Variants in ANAPC1 observed in about 807,000 individuals in gnomAD.
ANAPC1 encodes the protein anaphase-promoting complex subunit 1.
A neutral mutation model predicts 208.0 loss-of-function variants in ANAPC1; 36 were observed. The observed-to-expected ratio is 0.17, with a 90% CI of 0.13 to 0.23. The LOEUF (loss-of-function observed/expected upper bound fraction) is 0.23. ANAPC1 is among the 10% of genes least tolerant of loss of function. The pLI is 1.00. For missense variants in ANAPC1, 942 were observed against 2,011.6 expected (o/e 0.47, Z 10.17); for synonymous variants, 378 against 695.2 (o/e 0.54, Z 7.18).
Position 111,768,151 on chromosome 2 carries a change from T to C in ANAPC1, c.*1140A>G, listed in dbSNP as rs1286550120. The stretch of plus-strand genomic sequence containing the variant: ...CCATCCAGGAAGCACAGGACACATA[T>C]CAGCATCTGAACAGCAGGGAGCATT... On this transcript the variant is annotated 3_prime_UTR_variant, in exon 48 of 48. Transcript: ENST00000341068. The C allele has an allele frequency of 6.6e-6, 1 of 152,224 alleles. No homozygotes were observed. The highest frequency in any genetic ancestry group is 1.9e-4 in the East Asian group (1 of 5,200). 9.4% of individuals were successfully genotyped at this position (152,224 alleles called of 1,614,324 possible).
At chr2:111,860,140 T>C (rs1435804310) in intron 10 of ANAPC1, among the ~76,000 whole-genome samples, 1 of 151,392 alleles carries the variant, frequency 6.6e-6, no homozygotes, top group African/African-American at 2.4e-5. Context: ...TCTGCAAAAA[T>C]TACAAAAAAT....
intron 7 of ANAPC1, chr2:111,865,966 G>A (rs1573498004): frequency 5.2e-6 from 1 of 192,414 alleles, no homozygotes; most frequent in South Asian, 8.6e-5. Flanking sequence ...AGCACTTTGG[G>A]AGGCTGAGTC....
intron 13 of ANAPC1, among the ~76,000 whole-genome samples, chr2:111,853,484 A>G (rs554703632): frequency 8.3e-5 from 12 of 144,916 alleles, no homozygotes; most frequent in Admixed American, 7.5e-4. Context: ...AGGTTTAATC[A>G]TAAGATCTTG....
intron 46 of ANAPC1, among the ~76,000 whole-genome samples, 173 bp from the exon 47 acceptor site, chr2:111,772,648 T>C (rs1260894548): frequency 5.3e-5 from 8 of 150,656 alleles, no homozygotes; most frequent in Admixed American, 1.3e-4. Context: ...CCTGTCATTG[T>C]AGAGTTTAGA....
At chr2:111,838,085 C>CAA (rs57089465) in intron 18 of ANAPC1, among the ~76,000 whole-genome samples, 4 of 103,502 alleles carry the variant, frequency 3.9e-5, no homozygotes, top group Admixed American at 1.2e-4. Flanking sequence ...TACTCCGTCT[C>CAA]AAAAAAAAAA....
intron 45 of ANAPC1, among the ~76,000 whole-genome samples, chr2:111,778,235 T>A (rs773387423): frequency 6.6e-6 from 1 of 152,240 alleles, no homozygotes; most frequent in East Asian, 1.9e-4. Flanking sequence ...AATGCCTAGA[T>A]AACTGCATAT....
At chr2:111,846,656 G>A (rs1181784724) in intron 16 of ANAPC1, among the ~76,000 whole-genome samples, 7 of 133,896 alleles carry the variant, frequency 5.2e-5, no homozygotes, top group Non-Finnish European at 9.2e-5. Context: ...TGCAACCTCC[G>A]CATTCTGGGT....
intron 21 of ANAPC1, among the ~76,000 whole-genome samples, chr2:111,826,665 A>ATTTTT (rs34574346): frequency 1.2e-4 from 17 of 139,292 alleles, no homozygotes; most frequent in South Asian, 4.6e-4. Context: ...TTATTTATTT[A>ATTTTT]TTTTTTTTTT....
chr2:111,769,882 A>C (rs1676634830), intron 47 of ANAPC1, among the ~76,000 whole-genome samples: 2 of 150,122 alleles, frequency 1.3e-5, no homozygotes, highest in East Asian at 2.0e-4. Flanking sequence ...TGGGGTTTCA[A>C]CGTGTTAGCC....
chr2:111,856,090 C>A (rs1011573000), intron 13 of ANAPC1, among the ~76,000 whole-genome samples: 6 of 152,096 alleles, frequency 3.9e-5, no homozygotes, highest in Non-Finnish European at 2.9e-5. Context: ...AAAAAATTAG[C>A]CAGGCGTGGT....
chr2:111,830,157 T>G (rs1680057432), intron 21 of ANAPC1, among the ~76,000 whole-genome samples: 1 of 152,186 alleles, frequency 6.6e-6, no homozygotes, highest in African/African-American at 2.4e-5. Context: ...AAAGACTTAC[T>G]ATAAAGCTAC....
chr2:111,874,416 TTA>T (rs1682918493), intron 3 of ANAPC1, among the ~76,000 whole-genome samples: 1 of 152,134 alleles, frequency 6.6e-6, no homozygotes, highest in African/African-American at 2.4e-5. Flanking sequence ...TCCGTGCCCA[TTA>T]AACAATACTC....
At chr2:111,839,735 A>C (rs1293205310) in intron 17 of ANAPC1, among the ~76,000 whole-genome samples, 2 of 152,212 alleles carry the variant, frequency 1.3e-5, no homozygotes, top group Non-Finnish European at 2.9e-5. Context: ...CTAAAACTTC[A>C]ACCAAAATGT....
chr2:111,865,609 T>C (rs1682360458), intron 7 of ANAPC1, among the ~76,000 whole-genome samples: 1 of 152,226 alleles, frequency 6.6e-6, no homozygotes, highest in Non-Finnish European at 1.5e-5. Flanking sequence ...CTACTATTAA[T>C]ACATTAGAGA....
At chr2:111,844,578 A>C (rs1463232881) in intron 16 of ANAPC1, among the ~76,000 whole-genome samples, 2 of 151,842 alleles carry the variant, frequency 1.3e-5, no homozygotes, top group African/African-American at 2.4e-5. Flanking sequence ...TCAAAAAAAA[A>C]AAAAAAAGTC....
intron 1 of ANAPC1, among the ~76,000 whole-genome samples, chr2:111,883,009 T>C (rs561405161): frequency 6.7e-6 from 1 of 149,238 alleles, no homozygotes; most frequent in Non-Finnish European, 1.5e-5. Flanking sequence ...CTACTAAAAA[T>C]ACAAAAATTA....
chr2:111,879,335 G>A (rs1167894275), intron 2 of ANAPC1, among the ~76,000 whole-genome samples: 4 of 152,218 alleles, frequency 2.6e-5, no homozygotes, highest in African/African-American at 4.8e-5. Flanking sequence ...TGAGGTGCAC[G>A]TGGGAATCAC....
In ANAPC1 at chr2:111,863,899, A is replaced by C. The variant is rs1405412838; in HGVS notation, c.832-4T>G. ...ACTTTAAAACAACATTCTCTTCCTT[A>C]AGTCAAAATAAAGAGAAAGAGGAAA... On this transcript the variant is annotated splice_polypyrimidine_tract_variant and splice_region_variant and intron_variant, in intron 8 of 47. Transcript: ENST00000341068. The C allele has an allele frequency of 6.3e-7, 1 of 1,582,542 alleles. No homozygotes were observed. The highest frequency in any genetic ancestry group is 2.2e-5 in the East Asian group (1 of 44,688).
chr2:111,787,080 C>T (rs1468828723), intron 39 of ANAPC1, among the ~76,000 whole-genome samples: 2 of 140,958 alleles, frequency 1.4e-5, no homozygotes, highest in Non-Finnish European at 3.1e-5. Context: ...ACCCGGGAGG[C>T]GGAGCTTGCA....
Sources: allele counts gnomAD v4.1 joint callset (sites outside exome capture counted in the v4.1 genomes callset), GRCh38; gene constraint gnomAD v4.1.1; transcripts MANE v1.5; gene names NCBI Gene and HGNC (gene_info 2026-07-23, HGNC 2026-07-21).